SHISA9: variants seen among roughly 807,000 people sequenced by gnomAD.
SHISA9 encodes protein shisa-9.
In SHISA9, 13 loss-of-function variants were observed where a neutral mutation model predicts 38.0. The observed-to-expected ratio is 0.34, with a 90% CI of 0.22 to 0.54. SHISA9 has a LOEUF of 0.54. Ranked by LOEUF, SHISA9 falls within the 20% of genes least tolerant of loss-of-function variation. The pLI, the probability that SHISA9 is intolerant of heterozygous loss-of-function variation, is 0.91. For synonymous variants in SHISA9, 275 were observed against 242.0 expected (o/e 1.14, Z -1.27); for missense variants, 538 against 575.8 (o/e 0.93, Z 0.67).
At chr16:12,999,275 C>G (rs773587555) in intron 2 of SHISA9, among the ~76,000 whole-genome samples, 4 of 152,224 alleles carry the variant, frequency 2.6e-5, no homozygotes, top group African/African-American at 4.8e-5. Context: ...AAACCTGGCA[C>G]TAAATAGACC....
At chr16:12,986,276 T>A (rs887284704) in intron 2 of SHISA9, among the ~76,000 whole-genome samples, 8 of 152,212 alleles carry the variant, frequency 5.3e-5, no homozygotes, top group African/African-American at 1.7e-4. Context: ...GGAAAGGGTC[T>A]CCCTCTTTCT....
the SHISA9 span, among the ~76,000 whole-genome samples, chr16:13,325,301 C>T: frequency 6.6e-6 from 1 of 152,170 alleles, no homozygotes; most frequent in African/African-American, 2.4e-5. Context: ...AATTTGATAA[C>T]ATATTGCTAC....
At chr16:13,299,791 C>G in the SHISA9 span, among the ~76,000 whole-genome samples, 7 of 151,892 alleles carry the variant, frequency 4.6e-5, no homozygotes, top group Admixed American at 3.9e-4. Flanking sequence ...TGGGGATAAA[C>G]AGATCTCTGT....
At chr16:12,971,252 T>C (rs985313096) in intron 2 of SHISA9, among the ~76,000 whole-genome samples, 10 of 152,352 alleles carry the variant, frequency 6.6e-5, no homozygotes, top group South Asian at 2.1e-4. Context: ...GCTAAGGCTG[T>C]TGAGGACTTC....
At chr16:13,043,034 G>C (rs1458856244) in intron 2 of SHISA9, among the ~76,000 whole-genome samples, 1 of 152,200 alleles carries the variant, frequency 6.6e-6, no homozygotes, top group Non-Finnish European at 1.5e-5. Context: ...TTCACATAAA[G>C]TTCAATTCGG....
the SHISA9 span, among the ~76,000 whole-genome samples, chr16:13,562,438 T>TGGCCAAC: frequency 6.6e-6 from 1 of 152,108 alleles, no homozygotes. Context: ...GAGACCAGCC[T>TGGCCAAC]GGCCAACACG....
At chr16:13,095,853 A>T (rs999358620) in intron 2 of SHISA9, among the ~76,000 whole-genome samples, 7 of 152,226 alleles carry the variant, frequency 4.6e-5, no homozygotes, top group African/African-American at 1.7e-4. Context: ...CATCAGGATC[A>T]CTTGGAGAGC....
the SHISA9 span, among the ~76,000 whole-genome samples, chr16:13,351,600 C>T: frequency 3.9e-5 from 6 of 152,160 alleles, no homozygotes; most frequent in Non-Finnish European, 8.8e-5. Flanking sequence ...AACACTTGCC[C>T]AGGTTACTGT....
rs374752920 is a variant in SHISA9, at chr16:13,015,833, CTCT to C, written c.691+99020_691+99022del. On this transcript the variant is annotated intron_variant, in intron 2 of 4. Coordinates refer to ENST00000558583, the MANE Select transcript of SHISA9 (RefSeq NM_001145204.3). ...AGTTTGTTTGTTTGTTTCTCTCTCT[CTCT>C]TTTCTTTCTTTCTTTCCCTTTCTTT... 2.0e-4 allele frequency among the ~76,000 whole-genome samples: 25 copies of C among 127,016 alleles called. 1 individual carries two copies. The East Asian group carries it at 3.4e-3, about 17-fold the overall frequency. 83.3% of individuals were successfully genotyped at this position (127,016 alleles called of 152,430 possible). A position where few individuals can be genotyped will look rare whatever the true frequency, so the allele number is the denominator to read the frequency against.
intron 2 of SHISA9, among the ~76,000 whole-genome samples, chr16:12,925,514 A>G (rs2071383138): frequency 6.6e-6 from 1 of 151,650 alleles, no homozygotes; most frequent in African/African-American, 2.4e-5. Flanking sequence ...GAAAAAAATC[A>G]CTTTCTGTAA....
intron 2 of SHISA9, among the ~76,000 whole-genome samples, chr16:13,166,526 C>G (rs967709667): frequency 6.6e-6 from 1 of 152,228 alleles, no homozygotes; most frequent in Non-Finnish European, 1.5e-5. Context: ...CCCTCTCTCC[C>G]TTTTCCTGCT....
At chr16:13,427,870 T>C in the SHISA9 span, among the ~76,000 whole-genome samples, 1 of 152,218 alleles carries the variant, frequency 6.6e-6, no homozygotes. Context: ...TCAAAAGCCT[T>C]ATCTTCTATA....
At chr16:13,548,020 A>C in the SHISA9 span, among the ~76,000 whole-genome samples, 1 of 152,212 alleles carries the variant, frequency 6.6e-6, no homozygotes, top group Non-Finnish European at 1.5e-5. Context: ...AAACAGAGAC[A>C]TAGACCAATA....
the SHISA9 span, among the ~76,000 whole-genome samples, chr16:13,551,124 G>GA: frequency 0.015 from 1,969 of 133,882 alleles, 38 homozygotes; most frequent in African/African-American, 0.047. Flanking sequence ...ACTCCATCTC[G>GA]AAAAAAAAAA....
the SHISA9 span, among the ~76,000 whole-genome samples, chr16:13,384,420 G>C: frequency 6.6e-6 from 1 of 152,190 alleles, no homozygotes; most frequent in Non-Finnish European, 1.5e-5. Flanking sequence ...TTGTTACCTT[G>C]AGGACTTCAG....
chr16:13,095,151 A>G (rs1344358210), intron 2 of SHISA9, among the ~76,000 whole-genome samples: 4 of 152,238 alleles, frequency 2.6e-5, no homozygotes, highest in Admixed American at 6.5e-5. Flanking sequence ...GTTCCTGGCC[A>G]TACTTGTGGG....
At chr16:13,053,201 G>A (rs1165807642) in intron 2 of SHISA9, among the ~76,000 whole-genome samples, 2 of 151,670 alleles carry the variant, frequency 1.3e-5, no homozygotes, top group Non-Finnish European at 2.9e-5. Context: ...GACCTCCGGT[G>A]ATCCGCCCAC....
intron 2 of SHISA9, among the ~76,000 whole-genome samples, chr16:12,992,801 G>C (rs1379280400): frequency 6.6e-6 from 1 of 152,174 alleles, no homozygotes; most frequent in Non-Finnish European, 1.5e-5. Flanking sequence ...CAAAGGGCAT[G>C]CATTACAGGG....
the SHISA9 span, among the ~76,000 whole-genome samples, chr16:13,321,555 T>C: frequency 4.6e-5 from 7 of 152,244 alleles, no homozygotes; most frequent in Non-Finnish European, 1.0e-4. Flanking sequence ...ATCAGATTAG[T>C]TGAACACTTA....
Sources: allele counts gnomAD v4.1 joint callset (sites outside exome capture counted in the v4.1 genomes callset), GRCh38; gene constraint gnomAD v4.1.1; transcripts MANE v1.5; gene names NCBI Gene and HGNC (gene_info 2026-07-23, HGNC 2026-07-21).